EYA2: variants seen among roughly 807,000 people sequenced by gnomAD.
EYA2 encodes the protein EYA transcriptional coactivator and phosphatase 2.
Under a neutral mutation model 69.2 loss-of-function variants are expected in EYA2, and 31 were observed. The observed-to-expected ratio is 0.45, with a 90% CI of 0.34 to 0.60. EYA2 has a LOEUF of 0.60. EYA2 is among the 20% of genes least tolerant of loss of function. EYA2 has a pLI of 0.02. For synonymous variants in EYA2, 257 were observed against 279.4 expected, an observed-to-expected ratio of 0.92 and a Z score of 0.80; for missense variants, 622 against 701.2, an observed-to-expected ratio of 0.89 and a Z score of 1.28.
chr20:47,047,501 C>T (rs995841958), intron 5 of EYA2, among the ~76,000 whole-genome samples: 1 of 152,174 alleles, frequency 6.6e-6, no homozygotes, highest in Admixed American at 6.5e-5. Context: ...ATTCTCCCAC[C>T]TCAGCCTCCC....
At chr20:46,959,650 ACG>A (rs1979347995) in intron 1 of EYA2, among the ~76,000 whole-genome samples, 1 of 82,272 alleles carries the variant, frequency 1.2e-5, no homozygotes. Flanking sequence ...ATGCACGCAC[ACG>A]CACGCACACG....
intron 9 of EYA2, among the ~76,000 whole-genome samples, chr20:47,101,437 C>T (rs1032020449): frequency 2.6e-5 from 4 of 152,198 alleles, no homozygotes; most frequent in African/African-American, 9.6e-5. Context: ...ATCACTTCTG[C>T]TCTTATCCTA....
intron 5 of EYA2, among the ~76,000 whole-genome samples, chr20:47,053,536 G>T (rs143766944): frequency 2.0e-5 from 3 of 151,742 alleles, no homozygotes; most frequent in Non-Finnish European, 4.4e-5. Context: ...GTGTGGTGGC[G>T]CATGCCTGTA....
intron 5 of EYA2, among the ~76,000 whole-genome samples, chr20:47,067,391 G>C (rs1013820693): frequency 1.3e-5 from 2 of 152,064 alleles, no homozygotes; most frequent in Non-Finnish European, 2.9e-5. Flanking sequence ...GTGGGATTTT[G>C]TTGACTATAG....
intron 7 of EYA2, among the ~76,000 whole-genome samples, chr20:47,087,844 A>C (rs1281808343): frequency 6.6e-6 from 1 of 152,268 alleles, no homozygotes; most frequent in Admixed American, 6.5e-5. Flanking sequence ...CCTAACTGCC[A>C]GGCCTGTGCT....
chr20:47,071,981 G>A lies in EYA2; in HGVS notation c.416-204G>A, dbSNP rs934864842. On this transcript the variant is annotated intron_variant, in intron 5 of 15. Coordinates refer to ENST00000327619, the MANE Select transcript of EYA2 (RefSeq NM_005244.5). The stretch of plus-strand genomic sequence containing the variant: ...GGCCGTGGTGATGCTGGTGGTAGGC[G>A]TCACCAGAGGATTAGTGTCAACAAG... The A allele has an allele frequency of 6.8e-5, 41 of 600,734 alleles. No individual in the cohort carries two copies. The Admixed American group carries it at 7.3e-4, about 11-fold the overall frequency. The allele number at this position is 600,734 out of a possible 1,614,324, so 37.2% of individuals were successfully genotyped here.
At chr20:47,161,627 G>A (rs1278831303) in intron 10 of EYA2, 3 of 216,676 alleles carry the variant, frequency 1.4e-5, no homozygotes, top group Non-Finnish European at 2.8e-5. Flanking sequence ...CCCAGCCCCC[G>A]ATGCCCCTGC....
chr20:47,176,397 T>C lies in EYA2; in HGVS notation c.1199-3401T>C, dbSNP rs549668990. On this transcript the variant is annotated intron_variant, in intron 12 of 15. Coordinates refer to ENST00000327619, the MANE Select transcript of EYA2 (RefSeq NM_005244.5). ...GCCCGGCTTTAAATTCTTAATTCAG[T>C]CATTTCGAGGATGATCACACCTATT... 3.0e-3 allele frequency among the ~76,000 whole-genome samples: 294 copies of C among 97,250 alleles called. 1 individual carries two copies. The highest frequency in any genetic ancestry group is 4.3e-3 in the Middle Eastern group (1 of 230). 63.8% of individuals were successfully genotyped at this position (97,250 alleles called of 152,430 possible).
intron 5 of EYA2, among the ~76,000 whole-genome samples, chr20:47,047,832 C>T (rs2030123830): frequency 6.6e-6 from 1 of 152,146 alleles, no homozygotes; most frequent in Admixed American, 6.6e-5. Context: ...AAGGTGTTGG[C>T]AGGGCTGCTT....
At chr20:47,150,405 G>A (rs886338900) in intron 10 of EYA2, among the ~76,000 whole-genome samples, 1 of 152,208 alleles carries the variant, frequency 6.6e-6, no homozygotes, top group Non-Finnish European at 1.5e-5. Flanking sequence ...AATCTGAAAT[G>A]TGAACAGTCT....
chr20:47,131,708 A>T (rs888558513), intron 9 of EYA2, among the ~76,000 whole-genome samples: 1 of 152,226 alleles, frequency 6.6e-6, no homozygotes, highest in African/African-American at 2.4e-5. Flanking sequence ...CTAGCAGCTA[A>T]CACAAGCAAG....
At chr20:47,156,977 C>A (rs2033965218) in intron 10 of EYA2, among the ~76,000 whole-genome samples, 5 of 151,804 alleles carry the variant, frequency 3.3e-5, no homozygotes, top group Admixed American at 2.6e-4. Context: ...TTTGAGAAAC[C>A]CCAGCTGTCA....
At chr20:47,078,359 A>ACT (rs2031601809) in intron 7 of EYA2, among the ~76,000 whole-genome samples, 1 of 151,790 alleles carries the variant, frequency 6.6e-6, no homozygotes, top group Admixed American at 6.6e-5. Flanking sequence ...ACACACACAC[A>ACT]CACATTCATG....
At chr20:47,078,329 G>GCACACA (rs11472681) in intron 7 of EYA2, among the ~76,000 whole-genome samples, 5,613 of 115,986 alleles carry the variant, frequency 0.048, 201 homozygotes, top group East Asian at 0.25. Context: ...GCGCGCGCGC[G>GCACACA]CGCACACACA....
At chr20:46,951,554 A>G (rs1196638914) in intron 1 of EYA2, among the ~76,000 whole-genome samples, 4 of 152,188 alleles carry the variant, frequency 2.6e-5, no homozygotes, top group Non-Finnish European at 5.9e-5. Context: ...GATTAGAACA[A>G]AGTTCCCACA....
chr20:47,126,538 G>A (rs1395130343), intron 9 of EYA2, among the ~76,000 whole-genome samples: 1 of 152,224 alleles, frequency 6.6e-6, no homozygotes, highest in African/African-American at 2.4e-5. Context: ...AGACAAGAAA[G>A]TGGCACCTCC....
intron 1 of EYA2, among the ~76,000 whole-genome samples, chr20:46,974,490 G>A (rs1980334776): frequency 6.6e-6 from 1 of 152,150 alleles, no homozygotes; most frequent in Non-Finnish European, 1.5e-5. Flanking sequence ...GAAGGGTAAT[G>A]TTGCTGGTGT....
chr20:47,175,284 A>G (rs2034404730), intron 12 of EYA2, among the ~76,000 whole-genome samples: 1 of 152,268 alleles, frequency 6.6e-6, no homozygotes. Flanking sequence ...CACTCGGAAG[A>G]AAGGCATCTG....
chr20:46,913,837 T>C (rs1343122596), intron 1 of EYA2, among the ~76,000 whole-genome samples: 1 of 152,094 alleles, frequency 6.6e-6, no homozygotes. Context: ...TGGGAGCACC[T>C]CGTGTGGACC....
Sources: allele counts gnomAD v4.1 joint callset (sites outside exome capture counted in the v4.1 genomes callset), GRCh38; gene constraint gnomAD v4.1.1; transcripts MANE v1.5; gene names NCBI Gene and HGNC (gene_info 2026-07-23, HGNC 2026-07-21).